The following TAFA1 variants were observed in gnomAD, a reference collection of about 807,000 sequenced individuals.
TAFA1 encodes TAFA chemokine like family member 1, also known as chemokine-like protein TAFA-1.
Under a neutral mutation model 18.5 loss-of-function variants are expected in TAFA1, and 4 were observed. That is an observed-to-expected ratio of 0.22 (90% CI 0.11 to 0.49). TAFA1 has a LOEUF of 0.49. Ranked by LOEUF, TAFA1 falls within the 20% of genes least tolerant of loss-of-function variation. The pLI is 0.98. For synonymous variants in TAFA1, 56 were observed against 55.2 expected, an observed-to-expected ratio of 1.01 and a Z score of -0.06; for missense variants, 147 against 169.0, an observed-to-expected ratio of 0.87 and a Z score of 0.72.
chr3:68,474,631 G>T (rs1031529374), intron 3 of TAFA1, among the ~76,000 whole-genome samples: 3 of 152,190 alleles, frequency 2.0e-5, no homozygotes, highest in Non-Finnish European at 4.4e-5. Flanking sequence ...AGTATAGCAG[G>T]TGCTGCATCT....
chr3:68,374,092 A>AAATTAGCTT (rs1286741726), intron 2 of TAFA1, among the ~76,000 whole-genome samples: 4 of 152,172 alleles, frequency 2.6e-5, no homozygotes, highest in African/African-American at 9.7e-5. Flanking sequence ...TCCTCTTTGC[A>AAATTAGCTT]TCTCTACCCT....
chr3:68,278,937 T>C (rs567537752), intron 2 of TAFA1, among the ~76,000 whole-genome samples: 46 of 152,252 alleles, frequency 3.0e-4, no homozygotes, highest in South Asian at 8.3e-4. Context: ...TATATATGAA[T>C]CACTGGAGAT....
chr3:68,321,221 T>A (rs2106706123), intron 2 of TAFA1, among the ~76,000 whole-genome samples: 1 of 152,318 alleles, frequency 6.6e-6, no homozygotes, highest in Middle Eastern at 3.4e-3. Flanking sequence ...GAGCATTGCC[T>A]GGCACATGGG....
chr3:68,542,898 C>A (rs938121631), intron 4 of TAFA1, among the ~76,000 whole-genome samples: 10 of 152,120 alleles, frequency 6.6e-5, no homozygotes, highest in African/African-American at 2.4e-4. Context: ...AGGACGCAAT[C>A]AGATATACAT....
intron 2 of TAFA1, among the ~76,000 whole-genome samples, chr3:68,248,667 G>A (rs184255548): frequency 1.3e-3 from 194 of 145,282 alleles, no homozygotes; most frequent in Non-Finnish European, 2.4e-3. Context: ...GGCAAACCTG[G>A]AGATGGGCTC....
At chr3:68,412,984 G>T (rs575746591) in intron 2 of TAFA1, among the ~76,000 whole-genome samples, 1 of 151,662 alleles carries the variant, frequency 6.6e-6, no homozygotes, top group Admixed American at 6.6e-5. Flanking sequence ...CTAGTTTACA[G>T]TCCCACCAAC....
At chr3:68,530,941 A>G (rs2073179323) in intron 3 of TAFA1, among the ~76,000 whole-genome samples, 1 of 152,164 alleles carries the variant, frequency 6.6e-6, no homozygotes, top group African/African-American at 2.4e-5. Flanking sequence ...AAAAGCCAAT[A>G]TATTTTTTTA....
intron 2 of TAFA1, among the ~76,000 whole-genome samples, chr3:68,369,771 TCTC>T (rs1362152417): frequency 6.6e-6 from 1 of 152,128 alleles, no homozygotes; most frequent in Non-Finnish European, 1.5e-5. Flanking sequence ...TTAAACAAGA[TCTC>T]CTGTTTCTAG....
chr3:68,405,699 CAAAA>C lies in TAFA1; in HGVS notation c.119-11543_119-11540del, dbSNP rs56258198. Among the ~76,000 whole-genome samples the C allele has an allele frequency of 1.2e-3, 38 of 32,884 alleles. 5 individuals carry two copies. The highest frequency in any genetic ancestry group is 1.6e-3 in the Non-Finnish European group (21 of 12,864). The allele number at this position is 32,884 out of a possible 152,430, so 21.6% of individuals were successfully genotyped here. ...TAGGCAATGGAGTGAGACTCTATCT[CAAAA>C]AAAAAAAAAAAAAAAAAAAAAAAAA... On this transcript the variant is annotated intron_variant, in intron 2 of 4. Coordinates refer to ENST00000478136, the MANE Select transcript of TAFA1 (RefSeq NM_213609.4).
At chr3:68,349,322 A>G (rs1460191643) in intron 2 of TAFA1, among the ~76,000 whole-genome samples, 1 of 152,006 alleles carries the variant, frequency 6.6e-6, no homozygotes, top group Non-Finnish European at 1.5e-5. Context: ...AAAAATTTGT[A>G]CCAGAAATCA....
chr3:68,451,599 T>G (rs2071567255), intron 3 of TAFA1, among the ~76,000 whole-genome samples: 1 of 152,170 alleles, frequency 6.6e-6, no homozygotes, highest in Admixed American at 6.5e-5. Context: ...TCAAAAATAT[T>G]CTGAGCACAA....
At chr3:68,470,606 G>A (rs1428946681) in intron 3 of TAFA1, among the ~76,000 whole-genome samples, 3 of 152,224 alleles carry the variant, frequency 2.0e-5, no homozygotes, top group African/African-American at 7.2e-5. Flanking sequence ...GACACTAGTG[G>A]CATTTTGCCC....
chr3:68,205,688 AT>A (rs1336701346), intron 2 of TAFA1, among the ~76,000 whole-genome samples: 1 of 151,852 alleles, frequency 6.6e-6, no homozygotes, highest in Non-Finnish European at 1.5e-5. Context: ...GAAATAGACT[AT>A]TAATAAAGTA....
At chr3:68,506,122 G>A (rs1216701851) in intron 3 of TAFA1, among the ~76,000 whole-genome samples, 1 of 151,844 alleles carries the variant, frequency 6.6e-6, no homozygotes, top group East Asian at 1.9e-4. Context: ...TCCCATTTAT[G>A]AGTGAGAACA....
chr3:68,144,505 C>T (rs1016196038), intron 2 of TAFA1, among the ~76,000 whole-genome samples: 4 of 152,120 alleles, frequency 2.6e-5, no homozygotes, highest in African/African-American at 9.7e-5. Flanking sequence ...GGGGACAAAA[C>T]AAGATGGTAG....
chr3:68,473,286 C>A (rs2072035297), intron 3 of TAFA1, among the ~76,000 whole-genome samples: 1 of 152,150 alleles, frequency 6.6e-6, no homozygotes, highest in Non-Finnish European at 1.5e-5. Flanking sequence ...CTAGGATATA[C>A]AGTGGTAAGC....
intron 2 of TAFA1, among the ~76,000 whole-genome samples, chr3:68,306,557 C>T (rs1167666268): frequency 6.6e-6 from 1 of 152,166 alleles, no homozygotes; most frequent in Non-Finnish European, 1.5e-5. Context: ...TAGATTTTGA[C>T]TGAACAGTTT....
intron 3 of TAFA1, among the ~76,000 whole-genome samples, chr3:68,477,070 C>T (rs1246628641): frequency 2.0e-5 from 3 of 152,130 alleles, no homozygotes; most frequent in Admixed American, 2.0e-4. Context: ...CTGACTTCAA[C>T]TGCTGCATTC....
chr3:68,531,016 CAACAAAACAA>C (rs59861876), intron 3 of TAFA1, among the ~76,000 whole-genome samples: 251 of 147,630 alleles, frequency 1.7e-3, no homozygotes, highest in African/African-American at 4.8e-3. Flanking sequence ...TTAACAACAA[CAACAAAACAA>C]AACAAAACAA....
Sources: gnomAD v4.1 joint callset for allele counts (sites outside exome capture counted in the v4.1 genomes callset) on GRCh38, gnomAD v4.1.1 for gene constraint, MANE v1.5 for transcripts, NCBI Gene and HGNC (gene_info 2026-07-23, HGNC 2026-07-21) for gene names.